Variants in NKD1 observed in about 807,000 individuals in gnomAD.
NKD1 encodes protein naked cuticle homolog 1.
NKD1 carries 21 observed loss-of-function variants against 56.0 expected under a neutral mutation model. That is an observed-to-expected ratio of 0.38 (90% CI 0.27 to 0.54). NKD1 has a LOEUF of 0.54. Among genes scored for constraint, NKD1 ranks in the 20% least tolerant of loss-of-function variants. The pLI, the probability that NKD1 is intolerant of heterozygous loss-of-function variation, is 0.82. For missense variants in NKD1, 578 were observed against 642.7 expected, an observed-to-expected ratio of 0.90 and a Z score of 1.09; for synonymous variants, 263 against 265.7, an observed-to-expected ratio of 0.99 and a Z score of 0.10.
rs1962641124 is a variant in NKD1 at position 50,644,583 on chromosome 16, G to C, written c.*10802G>C. 1 of 152,224 alleles carries C rather than the reference G, an allele frequency of 6.6e-6. No individual in the cohort carries two copies. Among genetic ancestry groups the C allele is most frequent in the African/African-American group, 2.4e-5 (1 of 41,458 alleles). 9.4% of individuals were successfully genotyped at this position (152,224 alleles called of 1,614,324 possible). The stretch of plus-strand genomic sequence containing the variant: ...ACCCAGAACCTCCTGGGGATATTCA[G>C]ATGGTGTCACTGGGCTCGGCCTGTG... On this transcript the variant is annotated 3_prime_UTR_variant, in exon 10 of 10. Coordinates refer to ENST00000268459, the MANE Select transcript of NKD1 (RefSeq NM_033119.5).
chr16:50,572,785 C>G, intron 3 of NKD1: 7 of 651,222 alleles, frequency 1.1e-5, no homozygotes, highest in Non-Finnish European at 1.1e-5. Context: ...CTGAGTCCGA[C>G]AGAGACAGAT....
rs1287027576 is a variant in NKD1 at position 50,642,811 on chromosome 16, C to G, written c.*9030C>G. 1.3e-5 allele frequency: 2 copies of G among 152,276 alleles called. No homozygotes were observed. The highest frequency in any genetic ancestry group is 4.8e-5 in the African/African-American group (2 of 41,452). 9.4% of individuals were successfully genotyped at this position (152,276 alleles called of 1,614,324 possible). ...GCCCCCAGTGAGACAGCTGCTGTGG[C>G]ATGCTGCCTCTGCTACACACTCAAA... On this transcript the variant is annotated 3_prime_UTR_variant, in exon 10 of 10. Transcript: ENST00000268459.
intron 3 of NKD1, among the ~76,000 whole-genome samples, chr16:50,599,501 G>T (rs994463137): frequency 6.6e-6 from 1 of 152,244 alleles, no homozygotes; most frequent in Non-Finnish European, 1.5e-5. Context: ...CATGGCCAAA[G>T]TGGGGGTCAT....
chr16:50,548,950 T>C (rs1596697837), intron 2 of NKD1: 1 of 935,564 alleles, frequency 1.1e-6, no homozygotes, highest in Non-Finnish European at 1.2e-6. Flanking sequence ...GGTCCTGCGC[T>C]CCCACCGCTG....
rs924603912 is a variant in NKD1, at chr16:50,649,042, C to G, written c.*15261C>G. The G allele has an allele frequency of 3.9e-5, 6 of 152,172 alleles. No homozygotes were observed. The highest frequency in any genetic ancestry group is 7.3e-5 in the Non-Finnish European group (5 of 68,040). 9.4% of individuals were successfully genotyped at this position (152,172 alleles called of 1,614,324 possible). On this transcript the variant is annotated 3_prime_UTR_variant, in exon 10 of 10. Coordinates refer to ENST00000268459, the MANE Select transcript of NKD1 (RefSeq NM_033119.5). ...TGTTTCAACCACTTTCACTTGCAGT[C>G]AAACCTGAATTGTAAGTGAAATTGC...
At chr16:50,616,132 A>G in intron 4 of NKD1, 1 of 454,316 alleles carries the variant, frequency 2.2e-6, no homozygotes, top group South Asian at 1.6e-5. Context: ...CTGTACGTGG[A>G]CGATTGAGAA....
rs1416617699 is a variant in NKD1, at chr16:50,635,685, A to T, written c.*1904A>T. 1 of 152,202 alleles carries T rather than the reference A, an allele frequency of 6.6e-6. No homozygotes were observed. Among genetic ancestry groups the T allele is most frequent in the Non-Finnish European group, 1.5e-5 (1 of 68,036 alleles). The allele number at this position is 152,202 out of a possible 1,614,324, so 9.4% of individuals were successfully genotyped here. A position where few individuals can be genotyped will look rare whatever the true frequency, so the allele number is the denominator to read the frequency against. ...GCAGCTTGGTGGCAGCTCAGGAAGC[A>T]TGTCTAAGGCTCAGAAGTTCATAAC... is the stretch of plus-strand genomic sequence containing the variant. On this transcript the variant is annotated 3_prime_UTR_variant, in exon 10 of 10. Transcript: ENST00000268459. The surrounding 1 kb of genome is among the most constrained non-coding windows in gnomAD (Gnocchi z 4.1).
intron 4 of NKD1, among the ~76,000 whole-genome samples, chr16:50,614,930 TA>T (rs1961927165): frequency 6.6e-6 from 1 of 152,126 alleles, no homozygotes; most frequent in South Asian, 2.1e-4. Context: ...CTAGCTTCAT[TA>T]GCTTCTTCAT....
intron 3 of NKD1, among the ~76,000 whole-genome samples, chr16:50,605,912 A>G (rs775317277): frequency 6.6e-6 from 1 of 152,208 alleles, no homozygotes; most frequent in African/African-American, 2.4e-5. Context: ...CTGAGGTCCA[A>G]AGGCGAGGCA....
chr16:50,604,836 C>T (rs555006795), intron 3 of NKD1, among the ~76,000 whole-genome samples: 1 of 152,378 alleles, frequency 6.6e-6, no homozygotes. Flanking sequence ...GGCTGCCAGC[C>T]AGGGCTCAGC....
In NKD1 at chr16:50,639,808, G is replaced by T. The variant is rs905157456; in HGVS notation, c.*6027G>T. Reference sequence around the variant, plus strand: ...GGTCCACAGTGGCCCCTGGTGCATGGACCACACACTCTCTTCCCTCCTCTG... The same window carrying T: ...GGTCCACAGTGGCCCCTGGTGCATGTACCACACACTCTCTTCCCTCCTCTG... On this transcript the variant is annotated 3_prime_UTR_variant, in exon 10 of 10. Coordinates refer to ENST00000268459, the MANE Select transcript of NKD1 (RefSeq NM_033119.5). 7.9e-5 allele frequency: 12 copies of T among 152,198 alleles called. No homozygotes were observed. Among genetic ancestry groups the T allele is most frequent in the Non-Finnish European group, 1.5e-4 (10 of 68,054 alleles). 9.4% of individuals were successfully genotyped at this position (152,198 alleles called of 1,614,324 possible).
At chr16:50,571,917 T>C (rs1960893500) in intron 3 of NKD1, among the ~76,000 whole-genome samples, 1 of 152,138 alleles carries the variant, frequency 6.6e-6, no homozygotes, top group Non-Finnish European at 1.5e-5. Context: ...CCTGCCCCTT[T>C]CCTGCTTCTC....
intron 4 of NKD1, among the ~76,000 whole-genome samples, chr16:50,616,824 G>T (rs965099977): frequency 4.6e-5 from 7 of 152,184 alleles, no homozygotes; most frequent in Non-Finnish European, 8.8e-5. Context: ...ACACCTTTCT[G>T]CCATCTGTCC....
chr16:50,592,259 G>A (rs1961383555), intron 3 of NKD1, among the ~76,000 whole-genome samples: 2 of 152,230 alleles, frequency 1.3e-5, no homozygotes, highest in Admixed American at 6.5e-5. Flanking sequence ...TGGACTGGGC[G>A]GGGCCTTCTA....
intron 3 of NKD1, chr16:50,607,959 T>C (rs1961751225): frequency 3.4e-6 from 1 of 292,202 alleles, no homozygotes; most frequent in Non-Finnish European, 6.6e-6. Flanking sequence ...CAGATATCCT[T>C]AACTCACTGG....
At position 50,644,541 on chromosome 16, in the gene NKD1, A is replaced by G. The variant is rs1962640731; in HGVS notation, c.*10760A>G. The G allele has an allele frequency of 6.6e-6, 1 of 152,244 alleles. No individual in the cohort carries two copies. The highest frequency in any genetic ancestry group is 6.5e-5 in the Admixed American group (1 of 15,288). The allele number at this position is 152,244 out of a possible 1,614,324, so 9.4% of individuals were successfully genotyped here. A position where few individuals can be genotyped will look rare whatever the true frequency, so the allele number is the denominator to read the frequency against. On this transcript the variant is annotated 3_prime_UTR_variant, in exon 10 of 10. Coordinates refer to ENST00000268459, the MANE Select transcript of NKD1 (RefSeq NM_033119.5). The stretch of plus-strand genomic sequence containing the variant: ...GCTGCCCCCAGAGAAGGGTGACAGC[A>G]TGCAGACAGACTGGAAACCCAGAAC...
intron 4 of NKD1, among the ~76,000 whole-genome samples, chr16:50,610,490 C>G (rs561131241): frequency 6.6e-6 from 1 of 152,322 alleles, no homozygotes; most frequent in South Asian, 2.1e-4. Flanking sequence ...AGAGCAGGTG[C>G]TACTGAGTTC....
At chr16:50,569,977 G>A (rs372052827) in intron 3 of NKD1, among the ~76,000 whole-genome samples, 13 of 152,276 alleles carry the variant, frequency 8.5e-5, no homozygotes, top group East Asian at 5.8e-4. Context: ...AGCCTCTGTC[G>A]TGATGCAGCC....
chr16:50,575,769 C>T (rs945952816), intron 3 of NKD1, among the ~76,000 whole-genome samples: 2 of 152,172 alleles, frequency 1.3e-5, no homozygotes, highest in African/African-American at 2.4e-5. Context: ...AATGGGAAAA[C>T]ACCAGGCCTA....
Sources: allele counts gnomAD v4.1 joint callset (sites outside exome capture counted in the v4.1 genomes callset), GRCh38; gene constraint gnomAD v4.1.1; non-coding constraint Gnocchi (gnomAD v3.1); transcripts MANE v1.5; gene names NCBI Gene and HGNC (gene_info 2026-07-23, HGNC 2026-07-21).